Variants in PCDH15 observed in about 807,000 individuals in gnomAD.
PCDH15 encodes the protein protocadherin related 15.
In PCDH15, 129 loss-of-function variants were observed where a neutral mutation model predicts 178.5. The ratio of observed to expected loss-of-function variants is 0.72; its 90% confidence interval spans 0.63 to 0.84. The LOEUF is 0.84. PCDH15 is among the 40% of genes least tolerant of loss of function. The pLI is 0.00. For synonymous variants in PCDH15, 800 were observed against 732.0 expected, an observed-to-expected ratio of 1.09 and a Z score of -1.50; for missense variants, 2,230 against 2,099.9, an observed-to-expected ratio of 1.06 and a Z score of -1.21.
intron 1 of PCDH15, among the ~76,000 whole-genome samples, chr10:54,784,406 T>G (rs1950651511): frequency 1.3e-5 from 2 of 150,828 alleles, no homozygotes; most frequent in South Asian, 4.2e-4. Flanking sequence ...AGAGCAGATT[T>G]CGCGGTAGAA....
intron 2 of PCDH15, among the ~76,000 whole-genome samples, chr10:54,629,703 C>A (rs2093650415): frequency 6.6e-6 from 1 of 152,066 alleles, no homozygotes; most frequent in African/African-American, 2.4e-5. Context: ...CCCACTTTCA[C>A]CATTCCTATT....
At chr10:54,421,934 T>G in intron 3 of PCDH15, among the ~76,000 whole-genome samples, 1 of 90,642 alleles carries the variant, frequency 1.1e-5, no homozygotes, top group South Asian at 3.5e-4. Flanking sequence ...ATACACTATA[T>G]ATATATATAT....
chr10:54,282,368 C>T lies in PCDH15; in HGVS notation c.876+34903G>A, dbSNP rs189602075. On this transcript the variant is annotated intron_variant, in intron 8 of 37. Coordinates refer to ENST00000644397, the MANE Select transcript of PCDH15 (RefSeq NM_001384140.1). ...GGAGAGATGGAGACAAATTCCCAGA[C>T]CATACACTGCACTAGAAATAGAGTG... Among the ~76,000 whole-genome samples, 19 of 152,098 alleles carry T rather than the reference C, an allele frequency of 1.2e-4. No individual in the cohort carries two copies. The East Asian group carries it at 3.7e-3, about 29-fold the overall frequency.
Position 53,898,657 on chromosome 10 carries a change from T to C in PCDH15, c.3501+4586A>G, listed in dbSNP as rs372459333. Among the ~76,000 whole-genome samples, 117 of 152,318 alleles carry C rather than the reference T, an allele frequency of 7.7e-4. 1 individual carries two copies. In the South Asian group the frequency reaches 0.018, roughly 24 times the overall value. On this transcript the variant is annotated intron_variant, in intron 26 of 37. Coordinates refer to ENST00000644397, the MANE Select transcript of PCDH15 (RefSeq NM_001384140.1). ...ATTATTGAGCCAGAAATCAAGTATC[T>C]ACATGTCTGTATATATCTTTGTCCT...
intron 2 of PCDH15, among the ~76,000 whole-genome samples, chr10:55,589,081 CAAAAAA>C (rs35940637): frequency 7.4e-5 from 6 of 81,164 alleles, no homozygotes; most frequent in African/African-American, 2.7e-4. Flanking sequence ...AATTCCGTGT[CAAAAAA>C]AAAAAAAAAA....
Position 55,192,935 on chromosome 10 carries a change from A to G in PCDH15, c.-155-26284T>C, listed in dbSNP as rs1591979363. Among the ~76,000 whole-genome samples the G allele has an allele frequency of 2.7e-5, 4 of 150,812 alleles. No homozygotes were observed. In the East Asian group the frequency reaches 7.8e-4, roughly 29 times the overall value. On this transcript the variant is annotated intron_variant, in intron 1 of 5. Coordinates refer to the PCDH15 transcript ENST00000458638. Reference sequence around the variant, plus strand: ...ATTAAAATATAGAGAAAAAATAGATATAAAATATGCCTGCATAGGTAGATT... The same window carrying G: ...ATTAAAATATAGAGAAAAAATAGATGTAAAATATGCCTGCATAGGTAGATT...
chr10:55,428,466 T>C (rs1838808986), intron 2 of PCDH15, among the ~76,000 whole-genome samples: 1 of 151,880 alleles, frequency 6.6e-6, no homozygotes, highest in Non-Finnish European at 1.5e-5. Flanking sequence ...TTTTTGCTCT[T>C]AAATTGACTA....
intron 2 of PCDH15, among the ~76,000 whole-genome samples, chr10:54,615,753 T>G (rs1016047362): frequency 7.2e-5 from 11 of 152,114 alleles, no homozygotes; most frequent in African/African-American, 2.7e-4. Flanking sequence ...CATAAAATAC[T>G]GTTCATTTTC....
At chr10:54,984,940 T>C (rs2131909063) in intron 2 of PCDH15, among the ~76,000 whole-genome samples, 1 of 152,298 alleles carries the variant, frequency 6.6e-6, no homozygotes, top group East Asian at 1.9e-4. Context: ...GATTAAGTAA[T>C]TTTGTAAGAG....
intron 4 of PCDH15, among the ~76,000 whole-genome samples, chr10:54,371,383 A>G (rs942119417): frequency 6.6e-6 from 1 of 151,794 alleles, no homozygotes; most frequent in Non-Finnish European, 1.5e-5. Context: ...ATATATAGGT[A>G]GATTATAACA....
chr10:53,846,100 C>G (rs1188142355), intron 28 of PCDH15, among the ~76,000 whole-genome samples: 1 of 151,424 alleles, frequency 6.6e-6, no homozygotes, highest in East Asian at 1.9e-4. Context: ...CTGAATCTGA[C>G]TTCTTGGTAG....
intron 10 of PCDH15, among the ~76,000 whole-genome samples, chr10:54,197,623 T>C (rs2049808571): frequency 6.6e-6 from 1 of 152,186 alleles, no homozygotes; most frequent in African/African-American, 2.4e-5. Flanking sequence ...GCTAGAGATC[T>C]CTAACTGTTA....
At chr10:55,189,408 C>CATTTAAAT (rs1839883142) in intron 1 of PCDH15, among the ~76,000 whole-genome samples, 2 of 151,816 alleles carry the variant, frequency 1.3e-5, no homozygotes. Context: ...TCTCTTTCAT[C>CATTTAAAT]ATTTGCTATT....
chr10:53,821,539 G>C, intron 32 of PCDH15: 1 of 1,082,968 alleles, frequency 9.2e-7, no homozygotes, highest in Admixed American at 4.8e-5. Context: ...TGATAGACAT[G>C]CCTTTGGTTT....
chr10:55,457,173 A>G (rs982045718), intron 2 of PCDH15, among the ~76,000 whole-genome samples: 5 of 152,116 alleles, frequency 3.3e-5, no homozygotes, highest in African/African-American at 1.2e-4. Context: ...AAACTCAAAC[A>G]TTATCAAAGT....
chr10:54,037,264 A>C (rs183788966), intron 18 of PCDH15, among the ~76,000 whole-genome samples: 1 of 152,126 alleles, frequency 6.6e-6, no homozygotes, highest in East Asian at 1.9e-4. Context: ...AAAAAAACTT[A>C]TTTAGCTACA....
chr10:53,874,105 C>A (rs2080055511), intron 26 of PCDH15, among the ~76,000 whole-genome samples: 1 of 152,088 alleles, frequency 6.6e-6, no homozygotes, highest in Non-Finnish European at 1.5e-5. Context: ...AACCATAGTA[C>A]TGATGGGAGC....
At chr10:54,202,995 G>T (rs1301024981) in intron 10 of PCDH15, among the ~76,000 whole-genome samples, 6 of 152,034 alleles carry the variant, frequency 3.9e-5, no homozygotes, top group Admixed American at 6.6e-5. Context: ...AATTTTTAGA[G>T]AATCTTTCTT....
intron 1 of PCDH15, among the ~76,000 whole-genome samples, chr10:54,740,034 G>T (rs565373663): frequency 2.6e-5 from 4 of 152,036 alleles, no homozygotes; most frequent in East Asian, 3.9e-4. Context: ...AGAGAAATGG[G>T]ATTACACTGA....
Sources: gnomAD v4.1 joint callset for allele counts (sites outside exome capture counted in the v4.1 genomes callset) on GRCh38, gnomAD v4.1.1 for gene constraint, MANE v1.5 for transcripts, NCBI Gene and HGNC (gene_info 2026-07-23, HGNC 2026-07-21) for gene names.